PCDH11X: variants seen among roughly 807,000 people sequenced by gnomAD.
PCDH11X encodes protocadherin-11 X-linked.
PCDH11X carries 18 observed loss-of-function variants against 53.3 expected under a neutral mutation model. The ratio of observed to expected loss-of-function variants is 0.34; its 90% CI spans 0.23 to 0.50. PCDH11X has a LOEUF of 0.50. Among genes scored for constraint, PCDH11X ranks in the 20% least tolerant of loss-of-function variants. The pLI is 0.98. For synonymous variants in PCDH11X, 279 were observed against 393.3 expected (o/e 0.71, Z 3.44); for missense variants, 570 against 1,032.4 (o/e 0.55, Z 6.14).
At chrX:92,330,931 G>A (rs908583467) in intron 8 of PCDH11X, among the ~76,000 whole-genome samples, 10 of 98,619 alleles carry the variant, frequency 1.0e-4, no homozygotes, top group African/African-American at 3.7e-4. Context: ...AAGAGTGAGA[G>A]TGAAGGATTA....
intron 7 of PCDH11X, among the ~76,000 whole-genome samples, chrX:92,211,121 A>C (rs916854113): frequency 2.7e-5 from 3 of 111,968 alleles, no homozygotes; most frequent in Non-Finnish European, 5.6e-5. Flanking sequence ...CTATAAAGAC[A>C]TACCTGAGGC....
intron 10 of PCDH11X, among the ~76,000 whole-genome samples, chrX:92,552,443 T>C (rs1218918227): frequency 9.5e-6 from 1 of 104,974 alleles, no homozygotes; most frequent in Non-Finnish European, 2.0e-5. Flanking sequence ...GTTCGTGCAG[T>C]CTTAGGTTTT....
intron 7 of PCDH11X, among the ~76,000 whole-genome samples, chrX:92,214,377 C>T (rs1294116568): frequency 8.9e-6 from 1 of 111,856 alleles, no homozygotes; most frequent in Admixed American, 9.5e-5. Context: ...GTTAGGCAAC[C>T]TCATTATTTG....
At chrX:92,275,533 A>G (rs2068067225) in intron 8 of PCDH11X, among the ~76,000 whole-genome samples, 1 of 111,409 alleles carries the variant, frequency 9.0e-6, no homozygotes. Context: ...GCAAAGGAAT[A>G]GTAAAGAAAG....
At chrX:91,895,750 A>G (rs1940719641) in intron 6 of PCDH11X, among the ~76,000 whole-genome samples, 1 of 107,165 alleles carries the variant, frequency 9.3e-6, no homozygotes, top group Admixed American at 1.0e-4. Context: ...AATACATATT[A>G]TATTATATAT....
intron 8 of PCDH11X, among the ~76,000 whole-genome samples, chrX:92,353,567 T>C (rs968966740): frequency 4.5e-5 from 5 of 110,885 alleles, no homozygotes; most frequent in African/African-American, 6.6e-5. Flanking sequence ...AATAATTCAT[T>C]CAGGAATGAC....
chrX:92,069,561 C>A (rs1385847164), intron 6 of PCDH11X, among the ~76,000 whole-genome samples: 4 of 110,658 alleles, frequency 3.6e-5, no homozygotes, highest in Non-Finnish European at 5.7e-5. Flanking sequence ...TTACTGTCTT[C>A]CTTTTAGTGA....
intron 10 of PCDH11X, among the ~76,000 whole-genome samples, chrX:92,530,878 A>G (rs1255779815): frequency 3.1e-5 from 3 of 96,485 alleles, no homozygotes; most frequent in African/African-American, 1.1e-4. Context: ...ATCTTAAACT[A>G]TATTGGTGGC....
At chrX:92,412,644 A>G (rs1367237107) in intron 9 of PCDH11X, among the ~76,000 whole-genome samples, 1 of 103,319 alleles carries the variant, frequency 9.7e-6, no homozygotes, top group Non-Finnish European at 2.0e-5. Context: ...TTTTATTACC[A>G]TAATAGGAGT....
intron 10 of PCDH11X, among the ~76,000 whole-genome samples, chrX:92,559,351 C>T (rs988748982): frequency 1.8e-5 from 2 of 110,339 alleles, no homozygotes; most frequent in African/African-American, 6.6e-5. Flanking sequence ...TAAAAAAATA[C>T]AAATAGAGCA....
chrX:92,221,204 A>T (rs1262342978), intron 7 of PCDH11X, among the ~76,000 whole-genome samples: 1 of 17,522 alleles, frequency 5.7e-5, no homozygotes, highest in East Asian at 5.2e-3. Context: ...TATAATAATA[A>T]TAAAAAAATA....
intron 6 of PCDH11X, among the ~76,000 whole-genome samples, chrX:92,030,600 A>G (rs1390383221): frequency 9.2e-6 from 1 of 108,821 alleles, no homozygotes; most frequent in Non-Finnish European, 1.9e-5. Flanking sequence ...TTTCTATTTT[A>G]TTTTTTACCC....
At chrX:91,848,695 T>A (rs1490980901) in intron 5 of PCDH11X, among the ~76,000 whole-genome samples, 2 of 111,937 alleles carry the variant, frequency 1.8e-5, no homozygotes, top group Non-Finnish European at 3.8e-5. Flanking sequence ...TTTGCCTGAA[T>A]TTTTCACTCA....
At chrX:92,174,766 G>A (rs182706210) in intron 6 of PCDH11X, among the ~76,000 whole-genome samples, 1 of 111,625 alleles carries the variant, frequency 9.0e-6, no homozygotes, top group Non-Finnish European at 1.9e-5. Flanking sequence ...TAGTTAAGTT[G>A]TTAAACTATC....
At chrX:92,495,129 C>G (rs1025847204) in intron 10 of PCDH11X, among the ~76,000 whole-genome samples, 11 of 109,242 alleles carry the variant, frequency 1.0e-4, no homozygotes, top group African/African-American at 1.3e-4. Context: ...TATTTATATA[C>G]TGATACAATC....
intron 10 of PCDH11X, among the ~76,000 whole-genome samples, chrX:92,489,880 T>G (rs995073794): frequency 3.9e-5 from 4 of 102,120 alleles, no homozygotes; most frequent in African/African-American, 1.4e-4. Context: ...TGATCTTACT[T>G]GGACCCAACA....
chrX:91,915,275 A>G, intron 6 of PCDH11X, among the ~76,000 whole-genome samples: 1 of 103,475 alleles, frequency 9.7e-6, no homozygotes, highest in Admixed American at 1.1e-4. Context: ...ACATTAATGC[A>G]ACAGCAAAAA....
intron 10 of PCDH11X, among the ~76,000 whole-genome samples, chrX:92,584,772 A>G (rs904937944): frequency 1.4e-4 from 14 of 96,769 alleles, no homozygotes; most frequent in African/African-American, 5.4e-4. Context: ...TAAGGCCAGC[A>G]TTATTCTCTT....
At chrX:92,308,542 A>G (rs1245489243) in intron 8 of PCDH11X, among the ~76,000 whole-genome samples, 2 of 110,770 alleles carry the variant, frequency 1.8e-5, no homozygotes, top group Non-Finnish European at 3.8e-5. Context: ...TAATATATAA[A>G]AATGTTAGAA....
Sources: allele counts gnomAD v4.1 joint callset (sites outside exome capture counted in the v4.1 genomes callset), GRCh38; gene constraint gnomAD v4.1.1; transcripts MANE v1.5; gene names NCBI Gene and HGNC (gene_info 2026-07-23, HGNC 2026-07-21).